ILRUN: variants seen among roughly 807,000 people sequenced by gnomAD.
ILRUN encodes the protein inflammation and lipid regulator with UBA-like and NBR1-like domains.
Under a neutral mutation model 33.8 loss-of-function variants are expected in ILRUN, and 3 were observed. That is an observed-to-expected ratio of 0.09 (90% confidence interval 0.04 to 0.23). ILRUN has a LOEUF of 0.23. ILRUN is among the 10% of genes least tolerant of loss of function. The pLI is 1.00. For synonymous variants in ILRUN, 124 were observed against 138.9 expected (o/e 0.89, Z 0.75); for missense variants, 210 against 375.1 (o/e 0.56, Z 3.64).
At chr6:34,624,304 T>C (rs1407346507) in intron 3 of ILRUN, among the ~76,000 whole-genome samples, 1 of 152,124 alleles carries the variant, frequency 6.6e-6, no homozygotes, top group African/African-American at 2.4e-5. Flanking sequence ...GACTACCAAC[T>C]AATTACCTAA....
chr6:34,672,260 A>C (rs1327979238), intron 1 of ILRUN, among the ~76,000 whole-genome samples: 1 of 152,082 alleles, frequency 6.6e-6, no homozygotes, highest in East Asian at 1.9e-4. Context: ...CACATGGCTA[A>C]TTTTTGTAAT....
rs1761220054 is a variant in ILRUN, at chr6:34,587,648, T to C, written c.*2917A>G. ...AGGCCACACCAGCTGTTTGGTGAGG[T>C]TCTCTCCAGGCTGGAAGTAACTTTG... On this transcript the variant is annotated 3_prime_UTR_variant, in exon 5 of 5. Transcript: ENST00000374023. 6.3e-6 allele frequency: 1 copy of C among 158,400 alleles called. No individual in the cohort carries two copies. Among genetic ancestry groups the C allele is most frequent in the African/African-American group, 2.4e-5 (1 of 41,710 alleles). 9.8% of individuals were successfully genotyped at this position (158,400 alleles called of 1,614,324 possible). A position where few individuals can be genotyped will look rare whatever the true frequency, so the allele number is the denominator to read the frequency against.
At chr6:34,664,016 CAG>C (rs1316626125) in intron 1 of ILRUN, among the ~76,000 whole-genome samples, 2 of 152,100 alleles carry the variant, frequency 1.3e-5, no homozygotes, top group East Asian at 3.8e-4. Flanking sequence ...GAAGGAGAAA[CAG>C]GGCCGTGAGC....
chr6:34,667,060 C>T (rs1436852381), intron 1 of ILRUN, among the ~76,000 whole-genome samples: 1 of 152,054 alleles, frequency 6.6e-6, no homozygotes, highest in Non-Finnish European at 1.5e-5. Context: ...ACTATCCAAT[C>T]TGGTTTACAA....
At chr6:34,643,550 T>C (rs1268471113) in intron 3 of ILRUN, among the ~76,000 whole-genome samples, 1 of 152,170 alleles carries the variant, frequency 6.6e-6, no homozygotes, top group Non-Finnish European at 1.5e-5. Flanking sequence ...TTTTCTTCAG[T>C]TAATAATGTA....
At chr6:34,593,073 G>A (rs1196000354) in intron 4 of ILRUN, among the ~76,000 whole-genome samples, 5 of 152,028 alleles carry the variant, frequency 3.3e-5, no homozygotes, top group Non-Finnish European at 7.4e-5. Context: ...CAGATACTCA[G>A]GAGGCTGAGG....
chr6:34,650,061 C>G (rs1337040039), intron 2 of ILRUN, among the ~76,000 whole-genome samples: 2 of 151,576 alleles, frequency 1.3e-5, no homozygotes, highest in African/African-American at 4.9e-5. Context: ...ATATGACAAT[C>G]ACAAAAATTT....
At position 34,617,192 on chromosome 6, in the gene ILRUN, T is replaced by G. The variant is rs1053826650; in HGVS notation, c.512-10288A>C. 10 of 483,476 alleles carry G rather than the reference T, an allele frequency of 2.1e-5. No homozygotes were observed. The East Asian group carries it at 5.6e-4, about 27-fold the overall frequency. The allele number at this position is 483,476 out of a possible 1,614,324, so 29.9% of individuals were successfully genotyped here. On this transcript the variant is annotated intron_variant, in intron 3 of 4. Coordinates refer to ENST00000374023, the MANE Select transcript of ILRUN (RefSeq NM_024294.4). ...GGAATGAAGAAAAAACTACACATTT[T>G]GTAGAAGGTGGAGATGGTGGCAACA...
At chr6:34,624,399 C>T (rs1459443156) in intron 3 of ILRUN, among the ~76,000 whole-genome samples, 1 of 152,130 alleles carries the variant, frequency 6.6e-6, no homozygotes, top group Non-Finnish European at 1.5e-5. Context: ...TGTCGGCTGA[C>T]TGCAACCTCC....
rs199898623 is a variant in ILRUN at position 34,692,519 on chromosome 6, T to TC, written c.158+3926dup. Among the ~76,000 whole-genome samples the TC allele has an allele frequency of 2.9e-4, 44 of 152,232 alleles. No homozygotes were observed. In the East Asian group the frequency reaches 7.7e-3, roughly 27 times the overall value. On this transcript the variant is annotated intron_variant, in intron 1 of 4. Coordinates refer to ENST00000374023, the MANE Select transcript of ILRUN (RefSeq NM_024294.4). ...ATTAAATGATGCGTAGAACAACACGTCTAGACTTTAGATTTTTACTTGGGC... is the reference window on the plus strand; with the variant it reads ...ATTAAATGATGCGTAGAACAACACGTCCTAGACTTTAGATTTTTACTTGGGC...
intron 1 of ILRUN, among the ~76,000 whole-genome samples, chr6:34,685,894 C>G (rs915600575): frequency 2.0e-5 from 3 of 152,056 alleles, no homozygotes; most frequent in African/African-American, 7.3e-5. Flanking sequence ...ATACCATACA[C>G]AAAAATTAAT....
intron 4 of ILRUN, among the ~76,000 whole-genome samples, chr6:34,593,067 T>A (rs1445910485): frequency 6.6e-6 from 1 of 152,000 alleles, no homozygotes; most frequent in Non-Finnish European, 1.5e-5. Context: ...TAGTCCCAGA[T>A]ACTCAGGAGG....
intron 1 of ILRUN, among the ~76,000 whole-genome samples, chr6:34,693,231 A>G (rs1157224535): frequency 6.6e-6 from 1 of 152,232 alleles, no homozygotes; most frequent in Non-Finnish European, 1.5e-5. Context: ...ATAATCAAAG[A>G]AAATAAAGAA....
At chr6:34,654,563 T>C in intron 2 of ILRUN, 62 bp downstream of exon 2, 1 of 1,500,512 alleles carries the variant, frequency 6.7e-7, no homozygotes, top group Non-Finnish European at 9.0e-7. Context: ...AACATTTCCT[T>C]CTTATTTAAC....
intron 1 of ILRUN, among the ~76,000 whole-genome samples, chr6:34,660,748 G>A (rs1243029786): frequency 6.6e-6 from 1 of 152,028 alleles, no homozygotes; most frequent in Non-Finnish European, 1.5e-5. Flanking sequence ...AATCTAACAT[G>A]GAATACCAAA....
chr6:34,669,379 T>C (rs1277625256), intron 1 of ILRUN, among the ~76,000 whole-genome samples: 16 of 151,900 alleles, frequency 1.1e-4, no homozygotes, highest in Non-Finnish European at 2.1e-4. Flanking sequence ...TCCTCCCATT[T>C]TGGCCTCCCA....
At chr6:34,681,037 G>A (rs771843880) in intron 1 of ILRUN, among the ~76,000 whole-genome samples, 11 of 151,648 alleles carry the variant, frequency 7.3e-5, no homozygotes, top group Non-Finnish European at 1.3e-4. Context: ...CTCAAGGCCT[G>A]TTATCAAAGG....
chr6:34,629,249 A>T (rs558943319), intron 3 of ILRUN, among the ~76,000 whole-genome samples: 1 of 152,300 alleles, frequency 6.6e-6, no homozygotes, highest in South Asian at 2.1e-4. Context: ...AGCCTATTCA[A>T]GTTGTCTATT....
intron 3 of ILRUN, among the ~76,000 whole-genome samples, chr6:34,628,713 T>C (rs1013946886): frequency 6.6e-6 from 1 of 152,210 alleles, no homozygotes; most frequent in Non-Finnish European, 1.5e-5. Context: ...GAAATAGTTT[T>C]ATAATTTTCC....
Sources: allele counts gnomAD v4.1 joint callset (sites outside exome capture counted in the v4.1 genomes callset), GRCh38; gene constraint gnomAD v4.1.1; transcripts MANE v1.5; gene names NCBI Gene and HGNC (gene_info 2026-07-23, HGNC 2026-07-21).